Variants in GRM8 observed in about 807,000 individuals in gnomAD.
The protein encoded by GRM8 is glutamate metabotropic receptor 8.
Under a neutral mutation model 87.2 loss-of-function variants are expected in GRM8, and 47 were observed. The ratio of observed to expected loss-of-function variants is 0.54; its 90% CI spans 0.43 to 0.69. The LOEUF (loss-of-function observed/expected upper bound fraction) is 0.69, where lower values mean the gene tolerates loss of function less well. GRM8 is among the 30% of genes least tolerant of loss of function. GRM8 has a pLI of 0.00. For missense variants in GRM8, 1,019 were observed against 1,139.2 expected, an observed-to-expected ratio of 0.89 and a Z score of 1.52; for synonymous variants, 396 against 404.5, an observed-to-expected ratio of 0.98 and a Z score of 0.25.
At chr7:126,820,278 T>C (rs1794177856) in intron 6 of GRM8, among the ~76,000 whole-genome samples, 1 of 152,224 alleles carries the variant, frequency 6.6e-6, no homozygotes, top group Admixed American at 6.5e-5. Flanking sequence ...CAAAAAATTA[T>C]CTTTTGGAAA....
chr7:127,084,104 C>T (rs1167684779), intron 3 of GRM8, among the ~76,000 whole-genome samples: 3 of 152,138 alleles, frequency 2.0e-5, no homozygotes, highest in Admixed American at 1.3e-4. Flanking sequence ...TAATGTAATA[C>T]GGGGCTTAAA....
intron 1 of GRM8, among the ~76,000 whole-genome samples, chr7:127,248,122 GC>G (rs1214313566): frequency 6.6e-6 from 1 of 152,040 alleles, no homozygotes; most frequent in East Asian, 1.9e-4. Flanking sequence ...CAATAACACA[GC>G]TATTGCACAA....
intron 6 of GRM8, 79 bp downstream of exon 6, chr7:126,902,463 T>A (rs908327971): frequency 9.5e-6 from 11 of 1,163,802 alleles, no homozygotes; most frequent in Non-Finnish European, 1.3e-5. Flanking sequence ...ATTATCCATA[T>A]AGAAAAACGT....
chr7:126,950,765 C>T (rs544216461), intron 3 of GRM8, among the ~76,000 whole-genome samples: 128 of 152,138 alleles, frequency 8.4e-4, no homozygotes, highest in African/African-American at 3.0e-3. Context: ...GAAACTTAGG[C>T]ATGAGGATGT....
rs191970924 is a variant in GRM8 at position 127,043,091 on chromosome 7, C to A, written c.727+63405G>T. On this transcript the variant is annotated intron_variant, in intron 3 of 10. Coordinates refer to ENST00000339582, the MANE Select transcript of GRM8 (RefSeq NM_000845.3). ...TACCATCTCACACCAGTTGGAATGG[C>A]GATCATTAAAAAGTCAGGAAACAAC... Among the ~76,000 whole-genome samples, 1,001 of 152,188 alleles carry A rather than the reference C, an allele frequency of 6.6e-3. 8 individuals carry two copies. The highest frequency in any genetic ancestry group is 0.022 in the African/African-American group (917 of 41,500).
chr7:126,766,852 G>A (rs1818253300), intron 7 of GRM8, among the ~76,000 whole-genome samples: 1 of 152,048 alleles, frequency 6.6e-6, no homozygotes, highest in Admixed American at 6.6e-5. Flanking sequence ...CAACTCAACT[G>A]GTTTCCAATT....
chr7:126,969,828 G>GT (rs1478790535), intron 3 of GRM8, among the ~76,000 whole-genome samples: 1 of 152,116 alleles, frequency 6.6e-6, no homozygotes, highest in Non-Finnish European at 1.5e-5. Flanking sequence ...TTAAAAAAAT[G>GT]TATTTCCTAA....
chr7:126,931,243 C>T (rs1457470100), intron 3 of GRM8, among the ~76,000 whole-genome samples: 1 of 152,052 alleles, frequency 6.6e-6, no homozygotes, highest in East Asian at 1.9e-4. Flanking sequence ...AAATAAAATG[C>T]AAGAATATAT....
chr7:126,548,611 T>C (rs954916268), intron 8 of GRM8, among the ~76,000 whole-genome samples: 1 of 152,164 alleles, frequency 6.6e-6, no homozygotes, highest in Non-Finnish European at 1.5e-5. Flanking sequence ...GGGAAGATGA[T>C]AGGAGAGGAA....
In GRM8 at chr7:126,865,986, T is replaced by C. The variant is rs908123230; in HGVS notation, c.1156+36556A>G. On this transcript the variant is annotated intron_variant, in intron 6 of 10. Transcript: ENST00000339582. ...GGAATATATGGTAACTTTACTTAAC[T>C]GTTTGAGAAATTGCCAGACTGTTTT... Among the ~76,000 whole-genome samples, 3 of 152,234 alleles carry C rather than the reference T, an allele frequency of 2.0e-5. 1 individual carries two copies. The highest frequency in any genetic ancestry group is 7.2e-5 in the African/African-American group (3 of 41,448).
chr7:127,063,630 C>T (rs564277032), intron 3 of GRM8, among the ~76,000 whole-genome samples: 1 of 152,084 alleles, frequency 6.6e-6, no homozygotes, highest in Non-Finnish European at 1.5e-5. Flanking sequence ...CTCATGTCTC[C>T]ATTTTCTTCA....
intron 3 of GRM8, among the ~76,000 whole-genome samples, chr7:127,020,645 T>C (rs149265360): frequency 1.1e-3 from 165 of 152,158 alleles, no homozygotes; most frequent in Non-Finnish European, 1.9e-3. Context: ...AATGGTATCA[T>C]CATCTTGGCC....
At position 126,533,661 on chromosome 7, in the gene GRM8, A is replaced by G; in HGVS notation, c.1721T>C (p.Ile574Thr). The G allele has an allele frequency of 6.2e-7, 1 of 1,614,098 alleles. No individual in the cohort carries two copies. Among genetic ancestry groups the G allele is most frequent in the Non-Finnish European group, 8.5e-7 (1 of 1,179,980 alleles). The part of the protein sequence containing the change: ...MNRTGCQLIP[I>T]IKLEWHSPWA... Reference sequence around the variant, plus strand: ...GGGAGAATGCCACTCCAATTTGATGATGGGGATAAGCTGGCAGCCTGTGCG... The same window carrying G: ...GGGAGAATGCCACTCCAATTTGATGGTGGGGATAAGCTGGCAGCCTGTGCG... Residue 574 changes from isoleucine to threonine, a missense_variant, in exon 9 of 11, where the codon ATC becomes ACC. Ile to Thr is a moderately conservative substitution (Grantham distance 89). Transcript: ENST00000339582.
At chr7:126,537,955 A>G (rs10249124) in intron 8 of GRM8, among the ~76,000 whole-genome samples, 3,499 of 152,260 alleles carry the variant, frequency 0.023, 116 homozygotes, top group African/African-American at 0.079. Context: ...TATTTTTAAA[A>G]TTTGCCTTCC....
intron 7 of GRM8, among the ~76,000 whole-genome samples, chr7:126,674,338 CT>C: frequency 6.6e-6 from 1 of 152,280 alleles, no homozygotes; most frequent in East Asian, 1.9e-4. Context: ...ATTTGAGATT[CT>C]TTCTCCCCTA....
chr7:126,958,132 C>T (rs906860546), intron 3 of GRM8, among the ~76,000 whole-genome samples: 2 of 152,162 alleles, frequency 1.3e-5, no homozygotes, highest in African/African-American at 4.8e-5. Flanking sequence ...CTGAGAGCTG[C>T]TTTGTTGCTC....
At chr7:126,580,500 T>C (rs959252500) in intron 8 of GRM8, among the ~76,000 whole-genome samples, 3 of 152,166 alleles carry the variant, frequency 2.0e-5, no homozygotes, top group African/African-American at 7.2e-5. Context: ...CTACTTAAGA[T>C]TGATCATGAG....
chr7:126,704,924 C>T (rs767527186), intron 7 of GRM8, among the ~76,000 whole-genome samples: 4 of 152,086 alleles, frequency 2.6e-5, no homozygotes, highest in Non-Finnish European at 5.9e-5. Context: ...AGTCTATTAC[C>T]TTGTGAAGTA....
chr7:126,657,429 A>G (rs1318790900), intron 7 of GRM8, among the ~76,000 whole-genome samples: 1 of 152,132 alleles, frequency 6.6e-6, no homozygotes, highest in African/African-American at 2.4e-5. Context: ...CCCCCCAAAA[A>G]AGTCACATAC....
Sources: allele counts gnomAD v4.1 joint callset (sites outside exome capture counted in the v4.1 genomes callset), GRCh38; gene constraint gnomAD v4.1.1; transcripts MANE v1.5; gene names NCBI Gene and HGNC (gene_info 2026-07-23, HGNC 2026-07-21).